ZGRF1: variants seen among roughly 807,000 people sequenced by gnomAD.
ZGRF1 encodes 5'-3' DNA helicase ZGRF1.
A neutral mutation model predicts 203.5 loss-of-function variants in ZGRF1; 196 were observed. That is an observed-to-expected ratio of 0.96 (90% CI 0.86 to 1.08). ZGRF1 has a LOEUF of 1.08. ZGRF1 is among the 50% of genes least tolerant of loss of function. ZGRF1 has a pLI of 0.00. For synonymous variants in ZGRF1, 809 were observed against 841.3 expected (o/e 0.96, Z 0.66); for missense variants, 2,326 against 2,416.3 (o/e 0.96, Z 0.78).
chr4:112,568,830 A>G (rs550106771), intron 16 of ZGRF1, among the ~76,000 whole-genome samples: 98 of 152,212 alleles, frequency 6.4e-4, no homozygotes, highest in African/African-American at 2.2e-3. Context: ...CCTGGCCAAC[A>G]TGGTGAAACC....
intron 16 of ZGRF1, chr4:112,565,430 C>CAA (rs35098422): frequency 0.074 from 37,630 of 505,702 alleles, 497 homozygotes; most frequent in African/African-American, 0.16. Context: ...ATTTCATTCT[C>CAA]AAAAAAAAAA....
At position 112,563,161 on chromosome 4, in the gene ZGRF1, C is replaced by G; in HGVS notation, c.4552G>C (p.Gly1518Arg). The change falls in exon 17 of 28, where the codon GGC becomes CGC. Residue 1518 changes from glycine (G) to arginine (R), a missense_variant. Gly to Arg is a moderately radical substitution (Grantham distance 125). Coordinates refer to ENST00000505019, the MANE Select transcript of ZGRF1 (RefSeq NM_018392.5). ...INEIEILPLKGYFPSNWPTNM... is the reference protein window; with the variant it reads ...INEIEILPLKRYFPSNWPTNM... ...GTGGGCCAATTAGAAGGGAAATAGCCTTTCAAAGGCAGTATTTCTATCTCA... is the reference window on the plus strand; with the variant it reads ...GTGGGCCAATTAGAAGGGAAATAGCGTTTCAAAGGCAGTATTTCTATCTCA... 6.5e-7 allele frequency: 1 copy of G among 1,550,032 alleles called. No individual in the cohort carries two copies. The highest frequency in any genetic ancestry group is 8.7e-7 in the Non-Finnish European group (1 of 1,145,994).
intron 20 of ZGRF1, among the ~76,000 whole-genome samples, chr4:112,555,522 G>A (rs1032385153): frequency 1.2e-4 from 18 of 152,122 alleles, no homozygotes; most frequent in African/African-American, 4.1e-4. Context: ...AAAAGATTTC[G>A]ATTTTCACAT....
At position 112,584,083 on chromosome 4, in the gene ZGRF1, T is replaced by C; in HGVS notation, c.4193A>G (p.Gln1398Arg). 3 of 1,613,502 alleles carry C rather than the reference T, an allele frequency of 1.9e-6. No individual in the cohort carries two copies. The South Asian group carries it at 3.3e-5, about 18-fold the overall frequency. ...AACCATGCCAGGTCGAGCTCCTTCCTGTGTTGAATATCCTGGAGTCACGTC... is the reference window on the plus strand; with the variant it reads ...AACCATGCCAGGTCGAGCTCCTTCCCGTGTTGAATATCCTGGAGTCACGTC... ...LEDVTPGYST[Q>R]EGARPGMVLS... Residue 1398 changes from glutamine to arginine, a missense_variant, in exon 15 of 28, where the codon CAG (glutamine) becomes CGG (arginine). Physicochemically the swap from Gln to Arg is conservative, Grantham distance 43. Coordinates refer to ENST00000505019, the MANE Select transcript of ZGRF1 (RefSeq NM_018392.5).
At chr4:112,596,812 C>T (rs1383562765) in intron 10 of ZGRF1, among the ~76,000 whole-genome samples, 1 of 152,020 alleles carries the variant, frequency 6.6e-6, no homozygotes, top group Non-Finnish European at 1.5e-5. Context: ...AGGATGGTCT[C>T]GAACTCCTGA....
At position 112,581,650 on chromosome 4, in the gene ZGRF1, C is replaced by A; in HGVS notation, c.4438+13G>T. 6.4e-7 allele frequency: 1 copy of A among 1,565,048 alleles called. No individual in the cohort carries two copies. Among genetic ancestry groups the A allele is most frequent in the South Asian group, 1.2e-5 (1 of 80,892 alleles). ...GGCTAGACTGAATCGCCAGTATGATCAGATCAACTTACTTTTGCTATAAGC... is the reference window on the plus strand; with the variant it reads ...GGCTAGACTGAATCGCCAGTATGATAAGATCAACTTACTTTTGCTATAAGC... On this transcript the variant is annotated intron_variant, in intron 16 of 27. Coordinates refer to ENST00000505019, the MANE Select transcript of ZGRF1 (RefSeq NM_018392.5).
chr4:112,595,580 A>ATG lies in ZGRF1; in HGVS notation c.2977-5708_2977-5707dup, dbSNP rs535521242. ...TAAATATATATGTTTGTGTGTATATATGTGTGTGTGTGTGTGTATTTATAT... is the reference window on the plus strand; with the variant it reads ...TAAATATATATGTTTGTGTGTATATATGTGTGTGTGTGTGTGTGTATTTATAT... On this transcript the variant is annotated intron_variant, in intron 10 of 27. Transcript: ENST00000505019. Among the ~76,000 whole-genome samples the ATG allele has an allele frequency of 4.5e-3, 674 of 151,310 alleles. 8 individuals carry two copies. The East Asian group carries it at 0.046, about 10-fold the overall frequency.
chr4:112,630,066 G>A (rs771764415), intron 3 of ZGRF1: 27 of 162,766 alleles, frequency 1.7e-4, no homozygotes, highest in Non-Finnish European at 2.9e-4. Context: ...TAAGTTGCTT[G>A]AACATTAAGC....
intron 3 of ZGRF1, among the ~76,000 whole-genome samples, chr4:112,625,741 C>A (rs2047220339): frequency 6.6e-6 from 1 of 151,028 alleles, no homozygotes. Context: ...TACTAAAATA[C>A]AAAATTAGCC....
intron 6 of ZGRF1, among the ~76,000 whole-genome samples, chr4:112,614,589 G>A (rs1012157238): frequency 6.6e-6 from 1 of 152,234 alleles, no homozygotes; most frequent in African/African-American, 2.4e-5. Flanking sequence ...AGCACTTCGG[G>A]AGGCCGAGGT....
At position 112,589,810 on chromosome 4, in the gene ZGRF1, C is replaced by T; in HGVS notation, c.3041G>A (p.Arg1014Lys). Residue 1014 changes from arginine to lysine, a missense_variant, in exon 11 of 28, where the codon AGA becomes AAA. Arg to Lys is a conservative substitution (Grantham distance 26). Coordinates refer to ENST00000505019, the MANE Select transcript of ZGRF1 (RefSeq NM_018392.5). ...SPVSTFSLNSRDEDFMVEFSE... is the reference protein window; with the variant it reads ...SPVSTFSLNSKDEDFMVEFSE... ...GAATTCTACCATGAAGTCTTCATCT[C>T]TTGAGTTCAAAGAAAAGGTAGAAAC... 6.2e-7 allele frequency: 1 copy of T among 1,613,254 alleles called. No individual in the cohort carries two copies. Among genetic ancestry groups the T allele is most frequent in the South Asian group, 1.1e-5 (1 of 91,000 alleles).
At chr4:112,573,201 C>CACACA (rs60052909) in intron 16 of ZGRF1, among the ~76,000 whole-genome samples, 1 of 147,008 alleles carries the variant, frequency 6.8e-6, no homozygotes. Context: ...CACACACACA[C>CACACA]CCATGGAATA....
rs1156284105 is a variant in ZGRF1 at position 112,586,465 on chromosome 4, G to C, written c.3896C>G (p.Thr1299Ser). Residue 1299 changes from threonine to serine, a missense_variant, in exon 13 of 28, where the codon ACT (threonine) becomes AGT (serine). Coordinates refer to ENST00000505019, the MANE Select transcript of ZGRF1 (RefSeq NM_018392.5). ...VFQSPAHYKQ[T>S]FTSCLIEHLN... ...CATACCTATGAGGCAAGATGTGAAA[G>C]TCTGCTTATAATGAGCAGGAGACTG... 11 of 1,610,756 alleles carry C rather than the reference G, an allele frequency of 6.8e-6. No homozygotes were observed. Among genetic ancestry groups the C allele is most frequent in the Non-Finnish European group, 8.5e-6 (10 of 1,178,208 alleles).
At chr4:112,563,368 A>G (rs1742377450) in intron 16 of ZGRF1, 94 bp from the exon 17 acceptor site, 3 of 867,626 alleles carry the variant, frequency 3.5e-6, no homozygotes, top group Admixed American at 2.7e-5. Context: ...GTGTGTACAT[A>G]TATCTATAGT....
In ZGRF1 at chr4:112,617,494, T is replaced by A; in HGVS notation, c.2548A>T (p.Thr850Ser). The change falls in exon 6 of 28, where the codon ACT becomes TCT. Residue 850 changes from threonine to serine, a missense_variant. Physicochemically the swap from Thr to Ser is moderately conservative, Grantham distance 58 (BLOSUM62 1). Coordinates refer to ENST00000505019, the MANE Select transcript of ZGRF1 (RefSeq NM_018392.5). ...TGTTGAGTTCCTTGCTGAAAGACAG[T>A]ATTTTTCTTTTTCAATATTTCCAAG... is the stretch of plus-strand genomic sequence containing the variant. Reference protein sequence around the residue: ...DSLEILKKKNTVFQQGTQQTY... With the variant: ...DSLEILKKKNSVFQQGTQQTY... The A allele has an allele frequency of 6.3e-7, 1 of 1,597,910 alleles. No homozygotes were observed. Among genetic ancestry groups the A allele is most frequent in the Non-Finnish European group, 8.5e-7 (1 of 1,175,032 alleles).
At chr4:112,620,214 A>T in intron 4 of ZGRF1, 24 bp from the exon 5 acceptor site, 1 of 1,569,476 alleles carries the variant, frequency 6.4e-7, no homozygotes, top group Non-Finnish European at 8.7e-7. Context: ...TGTCAAAATC[A>T]CATACATCTA....
intron 16 of ZGRF1, among the ~76,000 whole-genome samples, chr4:112,569,239 G>A (rs779138288): frequency 3.3e-4 from 50 of 152,316 alleles, no homozygotes; most frequent in Non-Finnish European, 6.6e-4. Flanking sequence ...TCAAGATTTA[G>A]ACTAGAACTA....
Position 112,554,726 on chromosome 4 carries a change from G to T in ZGRF1, c.5177C>A (p.Ala1726Asp). 1.3e-6 allele frequency: 2 copies of T among 1,541,154 alleles called. No individual in the cohort carries two copies. Among genetic ancestry groups the T allele is most frequent in the Non-Finnish European group, 1.8e-6 (2 of 1,137,690 alleles). ...FIRVGSVRKI[A>D]KPILPYSLHA... ...TTACCTATAAGGTAAAATTGGTTTGGCAATCTTCCTAACACTCCCAACTCT... is the reference window on the plus strand; with the variant it reads ...TTACCTATAAGGTAAAATTGGTTTGTCAATCTTCCTAACACTCCCAACTCT... Residue 1726 changes from alanine (A) to aspartate (D), a missense_variant, in exon 21 of 28, where the codon GCC becomes GAC. Ala to Asp is a moderately radical substitution (Grantham distance 126). Coordinates refer to ENST00000505019, the MANE Select transcript of ZGRF1 (RefSeq NM_018392.5).
chr4:112,628,705 C>G (rs2047314599), intron 3 of ZGRF1: 1 of 455,418 alleles, frequency 2.2e-6, no homozygotes, highest in Non-Finnish European at 4.4e-6. Context: ...AATGGGCACT[C>G]AACAAATGTA....
Sources: gnomAD v4.1 joint callset for allele counts (sites outside exome capture counted in the v4.1 genomes callset) on GRCh38, gnomAD v4.1.1 for gene constraint, MANE v1.5 for transcripts, NCBI Gene and HGNC (gene_info 2026-07-23, HGNC 2026-07-21) for gene names.